PKP3: variants seen among roughly 807,000 people sequenced by gnomAD.
PKP3 encodes plakophilin-3.
In PKP3, 66 loss-of-function variants were observed where a neutral mutation model predicts 76.5. The observed-to-expected ratio is 0.86, with a 90% CI of 0.71 to 1.06. The LOEUF is 1.06. PKP3 is among the 50% of genes least tolerant of loss of function. The pLI is 0.00. For synonymous variants in PKP3, 638 were observed against 516.5 expected (o/e 1.24, Z -3.19); for missense variants, 1,338 against 1,141.0 (o/e 1.17, Z -2.49).
rs753903848 is a variant in PKP3, at chr11:400,482, G to A, written c.1566+31G>A. On this transcript the variant is annotated intron_variant, in intron 7 of 12. Transcript: ENST00000331563. ...GGGCGCGGTGTGGAGGAGGGGCCGT[G>A]CCCCCGGGCCGCCGCTCTGACCCGC... 1.9e-5 allele frequency: 29 copies of A among 1,514,910 alleles called. No individual in the cohort carries two copies. In the South Asian group the frequency reaches 3.5e-4, roughly 18 times the overall value. The allele number at this position is 1,514,910 out of a possible 1,614,324, so 93.8% of individuals were successfully genotyped here.
At position 399,952 on chromosome 11, in the gene PKP3, T is replaced by TC. The variant is rs754644267; in HGVS notation, c.1274-10dup. 12 of 1,583,416 alleles carry TC rather than the reference T, an allele frequency of 7.6e-6. No homozygotes were observed. The South Asian group carries it at 1.4e-4, about 18-fold the overall frequency. The stretch of plus-strand genomic sequence containing the variant: ...TGGAGGGCAGACGCTGATAGCAGCC[T>TC]CCCCCGTCCTCCAGGGATCCTGTGG... On this transcript the variant is annotated splice_polypyrimidine_tract_variant and intron_variant, in intron 5 of 12. Transcript: ENST00000331563.
At position 403,339 on chromosome 11, in the gene PKP3, AG is replaced by A. The variant is rs1214384897; in HGVS notation, c.1923+80del. 12 of 956,942 alleles carry A rather than the reference AG, an allele frequency of 1.3e-5. No homozygotes were observed. In the East Asian group the frequency reaches 3.3e-4, roughly 26 times the overall value. 59.3% of individuals were successfully genotyped at this position (956,942 alleles called of 1,614,324 possible). A position where few individuals can be genotyped will look rare whatever the true frequency, so the allele number is the denominator to read the frequency against. On this transcript the variant is annotated intron_variant, in intron 9 of 12. Transcript: ENST00000331563. Reference sequence around the variant, plus strand: ...AGGGGGGGACAGAGGAGGGAGAGGGAGGGGAGGAGGAAGGGGACGCCCAGGG... The same window carrying A: ...AGGGGGGGACAGAGGAGGGAGAGGGAGGGAGGAGGAAGGGGACGCCCAGGG...
chr11:396,908 C>T lies in PKP3; in HGVS notation c.407C>T (p.Ala136Val). The change falls in exon 3 of 13, where the codon GCC becomes GTC. Residue 136 changes from alanine to valine, a missense_variant. Ala to Val is a moderately conservative substitution (Grantham distance 64). Coordinates refer to ENST00000331563, the MANE Select transcript of PKP3 (RefSeq NM_007183.4). ...DLSCSRRLSS[A>V]HNGGSAFGAA... ...AGCTGCAGTCGGAGGCTGAGTTCAG[C>T]CCACAACGGGGGCAGCGCCTTTGGG... 1 of 1,597,242 alleles carries T rather than the reference C, an allele frequency of 6.3e-7. No homozygotes were observed. The highest frequency in any genetic ancestry group is 8.5e-7 in the Non-Finnish European group (1 of 1,174,926).
chr11:400,657 G>C lies in PKP3; in HGVS notation c.1689G>C (p.Pro563=), dbSNP rs1210270179. The change falls in exon 8 of 13, where the codon CCG becomes CCC. Residue 563 remains proline, a synonymous_variant. Coordinates refer to ENST00000331563, the MANE Select transcript of PKP3 (RefSeq NM_007183.4). ...GCAGGGACCTGGCGGGGGCGCCGCC[G>C]GGAGAGGTCGTGGGCTGCTTCACGC... ...RGRRDLAGAP[P]GEVVGCFTPQ... 7 of 1,358,652 alleles carry C rather than the reference G, an allele frequency of 5.2e-6. No individual in the cohort carries two copies. The highest frequency in any genetic ancestry group is 5.7e-6 in the Non-Finnish European group (6 of 1,061,462). 84.2% of individuals were successfully genotyped at this position (1,358,652 alleles called of 1,614,324 possible). A position where few individuals can be genotyped will look rare whatever the true frequency, so the allele number is the denominator to read the frequency against.
chr11:403,821 T>G (rs1202394753), intron 10 of PKP3, 50 bp downstream of exon 10: 1 of 1,598,816 alleles, frequency 6.3e-7, no homozygotes, highest in Non-Finnish European at 8.5e-7. Context: ...ACATGTCAAT[T>G]TTGTCTTTAA....
Position 394,384 on chromosome 11 carries a change from G to T in PKP3, c.92G>T (p.Arg31Leu). 6.7e-7 allele frequency: 1 copy of T among 1,490,346 alleles called. No homozygotes were observed. The highest frequency in any genetic ancestry group is 8.9e-7 in the Non-Finnish European group (1 of 1,127,976). The allele number at this position is 1,490,346 out of a possible 1,614,324, so 92.3% of individuals were successfully genotyped here. The change falls in exon 1 of 13, where the codon CGG (arginine) becomes CTG (leucine). Residue 31 changes from arginine to leucine, a missense_variant. Coordinates refer to ENST00000331563, the MANE Select transcript of PKP3 (RefSeq NM_007183.4). ...CCCTCTGACCTGCAGCTGGACCGCC[G>T]GGGCGCCGAGGGGCCGGAGGCCGAG... ...ALPSDLQLDR[R>L]GAEGPEAERL...
intron 6 of PKP3, 82 bp downstream of exon 6, chr11:400,223 C>T (rs1482481296): frequency 7.1e-7 from 1 of 1,409,950 alleles, no homozygotes; most frequent in South Asian, 1.4e-5. Context: ...GTTCGCAGCC[C>T]ACACACCGCA....
At position 403,622 on chromosome 11, in the gene PKP3, C is replaced by A. The variant is rs201248875; in HGVS notation, c.1928C>A (p.Ala643Glu). The stretch of plus-strand genomic sequence containing the variant: ...TCACACCCTCCCTCCCCACAGTGGG[C>A]GGGGGTGCTGAGCCGCCTGGCCCTG... ...QNITAGDRRW[A>E]GVLSRLALEQ... Residue 643 changes from alanine to glutamate, a missense_variant, in exon 10 of 13, where the codon GCG (alanine) becomes GAG (glutamate). By Grantham distance (107) the Ala-to-Glu change is moderately radical. Transcript: ENST00000331563. 27 of 1,604,052 alleles carry A rather than the reference C, an allele frequency of 1.7e-5. No individual in the cohort carries two copies. Among genetic ancestry groups the A allele is most frequent in the Non-Finnish European group, 2.2e-5 (26 of 1,179,480 alleles).
At chr11:394,777 T>C (rs1847024130) in intron 1 of PKP3, among the ~76,000 whole-genome samples, 1 of 152,080 alleles carries the variant, frequency 6.6e-6, no homozygotes, top group Admixed American at 6.5e-5. Context: ...CCTGGAGCCA[T>C]CCCTGTGGGG....
intron 7 of PKP3, 31 bp from the exon 8 acceptor site, chr11:400,504 C>A (rs991080891): frequency 8.7e-6 from 13 of 1,500,760 alleles, no homozygotes; most frequent in Non-Finnish European, 1.2e-5. Flanking sequence ...CCGCTCTGAC[C>A]CGCGCCCCTG....
Position 394,560 on chromosome 11 carries a change from C to T in PKP3, c.232+36C>T, listed in dbSNP as rs768935354. The T allele has an allele frequency of 1.6e-5, 22 of 1,342,366 alleles. 1 individual carries two copies. The South Asian group carries it at 2.3e-4, about 14-fold the overall frequency. 83.2% of individuals were successfully genotyped at this position (1,342,366 alleles called of 1,614,324 possible). On this transcript the variant is annotated intron_variant, in intron 1 of 12. Coordinates refer to ENST00000331563, the MANE Select transcript of PKP3 (RefSeq NM_007183.4). ...GGGACAGCGGCGGGGATGGCGGTGGCGGGGAGAGGTGGCTGCGGGCGGACG... is the reference window on the plus strand; with the variant it reads ...GGGACAGCGGCGGGGATGGCGGTGGTGGGGAGAGGTGGCTGCGGGCGGACG...
In PKP3 at chr11:399,622, C is replaced by A. The variant is rs562898771; in HGVS notation, c.1274-345C>A. Among the ~76,000 whole-genome samples, 6 of 139,866 alleles carry A rather than the reference C, an allele frequency of 4.3e-5. No individual in the cohort carries two copies. The East Asian group carries it at 8.5e-4, about 20-fold the overall frequency. 91.8% of individuals were successfully genotyped at this position (139,866 alleles called of 152,430 possible). ...TCTGACCCCTCCACCTCATTCGGTT[C>A]CCCTCCGTCCCTTTGTACCTTTTGC... On this transcript the variant is annotated intron_variant, in intron 5 of 12. Coordinates refer to ENST00000331563, the MANE Select transcript of PKP3 (RefSeq NM_007183.4).
chr11:393,337 C>T (rs890290395), upstream of PKP3: 6 of 152,464 alleles, frequency 3.9e-5, no homozygotes, highest in African/African-American at 1.4e-4. Flanking sequence ...CCGCTCCTGC[C>T]CCAGCCTGAC....
intron 8 of PKP3, 125 bp downstream of exon 8, chr11:400,830 C>G: frequency 3.9e-6 from 1 of 253,628 alleles, no homozygotes. Flanking sequence ...ACCCCGGACC[C>G]CGCTCACCCC....
chr11:400,202 C>A (rs1046880967), intron 6 of PKP3, 61 bp downstream of exon 6: 18 of 1,438,566 alleles, frequency 1.3e-5, no homozygotes, highest in African/African-American at 2.9e-5. Context: ...GGGGACTCCG[C>A]CTGGCCTGGC....
At chr11:394,551 T>TGGCGGTGGCGGGGAGA in intron 1 of PKP3, 27 bp downstream of exon 1, 1 of 1,352,202 alleles carries the variant, frequency 7.4e-7, no homozygotes, top group Non-Finnish European at 9.5e-7. Context: ...GCGGCGGGGA[T>TGGCGGTGGCGGGGAGA]GGCGGTGGCG....
chr11:403,393 C>T (rs901660172), intron 9 of PKP3, 130 bp downstream of exon 9: 7 of 891,550 alleles, frequency 7.9e-6, no homozygotes, highest in South Asian at 3.5e-5. Context: ...GTCAGCGTCC[C>T]GGTGGCGCAG....
intron 9 of PKP3, 144 bp downstream of exon 9, chr11:403,407 T>A (rs1186268762): frequency 2.4e-6 from 2 of 848,302 alleles, no homozygotes; most frequent in Non-Finnish European, 3.6e-6. Flanking sequence ...GGCGCAGGCC[T>A]TGGGCCTTGG....
At chr11:394,605 G>A (rs1001356285) in intron 1 of PKP3, 81 bp downstream of exon 1, 11 of 1,149,056 alleles carry the variant, frequency 9.6e-6, no homozygotes, top group Admixed American at 4.2e-5. Flanking sequence ...GAGGGCAGAG[G>A]CCGCAGTGAG....
Sources: gnomAD v4.1 joint callset for allele counts (sites outside exome capture counted in the v4.1 genomes callset) on GRCh38, gnomAD v4.1.1 for gene constraint, MANE v1.5 for transcripts, NCBI Gene and HGNC (gene_info 2026-07-23, HGNC 2026-07-21) for gene names.